SGCD: variants seen among roughly 807,000 people sequenced by gnomAD.
The protein encoded by SGCD is delta-sarcoglycan.
Under a neutral mutation model 36.6 loss-of-function variants are expected in SGCD, and 18 were observed. The ratio of observed to expected loss-of-function variants is 0.49; its 90% CI spans 0.34 to 0.73. SGCD has a LOEUF of 0.73. Among genes scored for constraint, SGCD ranks in the 30% least tolerant of loss-of-function variants. The pLI, the probability that SGCD is intolerant of heterozygous loss-of-function variation, is 0.01. For missense variants in SGCD, 387 were observed against 346.7 expected, an observed-to-expected ratio of 1.12 and a Z score of -0.92; for synonymous variants, 133 against 130.6, an observed-to-expected ratio of 1.02 and a Z score of -0.12.
intron 3 of SGCD, among the ~76,000 whole-genome samples, chr5:156,217,377 A>G (rs1035383907): frequency 2.6e-5 from 4 of 152,174 alleles, no homozygotes; most frequent in Admixed American, 6.5e-5. Flanking sequence ...TAAGAATTAC[A>G]TTATTATCAT....
chr5:156,669,909 T>G (rs2113653851), intron 7 of SGCD, among the ~76,000 whole-genome samples: 1 of 152,216 alleles, frequency 6.6e-6, no homozygotes, highest in Non-Finnish European at 1.5e-5. Flanking sequence ...GGAAATGTCT[T>G]GAGTACCAAA....
intron 1 of SGCD, among the ~76,000 whole-genome samples, chr5:156,030,592 T>G (rs1432728): frequency 0.5 from 75,964 of 152,098 alleles, 22,959 homozygotes; most frequent in African/African-American, 0.85. Flanking sequence ...ATGGTCATTT[T>G]TTATAGCAGC....
intron 3 of SGCD, among the ~76,000 whole-genome samples, chr5:156,472,839 G>T (rs1231891461): frequency 6.6e-6 from 1 of 152,170 alleles, no homozygotes; most frequent in African/African-American, 2.4e-5. Context: ...ACTAATCTAT[G>T]TGATAAAAGA....
At chr5:156,175,048 T>C (rs1227970051) in intron 3 of SGCD, among the ~76,000 whole-genome samples, 1 of 151,750 alleles carries the variant, frequency 6.6e-6, no homozygotes, top group Non-Finnish European at 1.5e-5. Context: ...AAGATTTAGT[T>C]ATGAGGAGAT....
intron 4 of SGCD, among the ~76,000 whole-genome samples, chr5:156,519,752 A>G (rs1414526841): frequency 2.0e-5 from 3 of 152,220 alleles, no homozygotes; most frequent in Non-Finnish European, 2.9e-5. Context: ...AAGCAGAACT[A>G]AAGACAAAAA....
At chr5:156,612,645 T>C (rs1484751876) in intron 6 of SGCD, among the ~76,000 whole-genome samples, 1 of 152,252 alleles carries the variant, frequency 6.6e-6, no homozygotes, top group Non-Finnish European at 1.5e-5. Context: ...GCTGTTCCAC[T>C]GAGCCTAGGC....
At chr5:156,608,039 T>G (rs1217576452) in intron 6 of SGCD, among the ~76,000 whole-genome samples, 5 of 152,184 alleles carry the variant, frequency 3.3e-5, no homozygotes, top group Non-Finnish European at 7.4e-5. Flanking sequence ...GTGTCTCTAT[T>G]TCCTTCAGTT....
chr5:156,211,343 C>T (rs982997012), intron 3 of SGCD, among the ~76,000 whole-genome samples: 1 of 152,142 alleles, frequency 6.6e-6, no homozygotes, highest in Admixed American at 6.5e-5. Flanking sequence ...CGCGGTGGCT[C>T]AAGCCTGTAA....
chr5:156,093,151 C>T (rs1420996733), intron 1 of SGCD, among the ~76,000 whole-genome samples: 1 of 152,162 alleles, frequency 6.6e-6, no homozygotes, highest in African/African-American at 2.4e-5. Context: ...CCCTCTGGGC[C>T]CTTTAATTTT....
intron 7 of SGCD, among the ~76,000 whole-genome samples, chr5:156,755,598 C>T (rs1757305996): frequency 6.6e-6 from 1 of 152,186 alleles, no homozygotes; most frequent in Non-Finnish European, 1.5e-5. Flanking sequence ...CTCCCTGTTG[C>T]ACTGACATTA....
intron 1 of SGCD, among the ~76,000 whole-genome samples, chr5:155,998,028 T>C (rs1758589039): frequency 6.6e-6 from 1 of 152,244 alleles, no homozygotes; most frequent in African/African-American, 2.4e-5. Flanking sequence ...ATACAAGCAT[T>C]GTGTGTGCAC....
intron 3 of SGCD, among the ~76,000 whole-genome samples, chr5:156,348,168 G>A (rs975336578): frequency 2.0e-4 from 31 of 152,210 alleles, no homozygotes; most frequent in Admixed American, 1.4e-3. Flanking sequence ...GCACTGTTAC[G>A]TTGGAGAAAG....
intron 1 of SGCD, among the ~76,000 whole-genome samples, chr5:156,042,531 G>A (rs924837619): frequency 1.1e-4 from 16 of 152,196 alleles, no homozygotes; most frequent in Admixed American, 2.0e-4. Flanking sequence ...AGACTGGAGT[G>A]TTATTACTCA....
At chr5:156,739,806 A>G (rs950861262) in intron 7 of SGCD, 4 of 152,192 alleles carry the variant, frequency 2.6e-5, no homozygotes, top group South Asian at 2.1e-4. Context: ...CTCTAAGCAC[A>G]TGGTCTTGGC....
chr5:156,252,432 A>T (rs1765606348), intron 3 of SGCD, among the ~76,000 whole-genome samples: 1 of 152,198 alleles, frequency 6.6e-6, no homozygotes, highest in Admixed American at 6.5e-5. Flanking sequence ...TACACGAATC[A>T]TACAGGATGT....
intron 3 of SGCD, among the ~76,000 whole-genome samples, chr5:156,419,063 G>T (rs548179362): frequency 5.3e-5 from 8 of 152,256 alleles, no homozygotes; most frequent in Admixed American, 3.3e-4. Flanking sequence ...ACTAAGAGAA[G>T]TATCTCAAGG....
chr5:156,125,400 C>T (rs17053240), intron 3 of SGCD, among the ~76,000 whole-genome samples: 24,911 of 151,566 alleles, frequency 0.16, 3,235 homozygotes, highest in East Asian at 0.46. Context: ...GGTGTATGCT[C>T]TTAGCTAGTC....
chr5:156,069,488 C>T (rs899727516), intron 1 of SGCD, among the ~76,000 whole-genome samples: 19 of 151,940 alleles, frequency 1.3e-4, no homozygotes, highest in African/African-American at 3.9e-4. Flanking sequence ...TCTATATCTC[C>T]ATTTTGGTAC....
chr5:156,062,491 C>T (rs1307630188), intron 1 of SGCD, among the ~76,000 whole-genome samples: 1 of 120,114 alleles, frequency 8.3e-6, no homozygotes, highest in Non-Finnish European at 1.7e-5. Flanking sequence ...AGTTCTAGAT[C>T]CCTCAGGAAT....
Sources: allele counts gnomAD v4.1 joint callset (sites outside exome capture counted in the v4.1 genomes callset), GRCh38; gene constraint gnomAD v4.1.1; transcripts MANE v1.5; gene names NCBI Gene and HGNC (gene_info 2026-07-23, HGNC 2026-07-21).